The following MAP3K13 variants were observed in gnomAD, a reference collection of about 807,000 sequenced individuals.
The protein encoded by MAP3K13 is leucine zipper-bearing kinase.
MAP3K13 carries 52 observed loss-of-function variants against 104.0 expected under a neutral mutation model. The ratio of observed to expected loss-of-function variants is 0.50; its 90% CI spans 0.40 to 0.63. MAP3K13 has a LOEUF of 0.63. MAP3K13 is among the 20% of genes least tolerant of loss of function. The pLI, the probability that MAP3K13 is intolerant of heterozygous loss-of-function variation, is 0.00. For synonymous variants in MAP3K13, 394 were observed against 442.2 expected, an observed-to-expected ratio of 0.89 and a Z score of 1.37; for missense variants, 914 against 1,218.5, an observed-to-expected ratio of 0.75 and a Z score of 3.72.
At chr3:185,296,256 C>T (rs1720916837) in intron 2 of MAP3K13, among the ~76,000 whole-genome samples, 1 of 151,974 alleles carries the variant, frequency 6.6e-6, no homozygotes, top group Admixed American at 6.6e-5. Context: ...ACACACAAAC[C>T]AAAACCCTTC....
At chr3:185,465,511 C>T (rs1717359277) in intron 8 of MAP3K13, among the ~76,000 whole-genome samples, 1 of 152,058 alleles carries the variant, frequency 6.6e-6, no homozygotes, top group South Asian at 2.1e-4. Context: ...TATCTGTGGC[C>T]CTCTTGGCTA....
At chr3:185,413,819 C>A (rs1016723043) in intron 1 of MAP3K13, among the ~76,000 whole-genome samples, 1 of 138,324 alleles carries the variant, frequency 7.2e-6, no homozygotes, top group Admixed American at 7.4e-5. Flanking sequence ...GAGATTCCAC[C>A]TCAAAAAACA....
At chr3:185,389,353 G>GT (rs1468038184) in intron 1 of MAP3K13, among the ~76,000 whole-genome samples, 1 of 152,032 alleles carries the variant, frequency 6.6e-6, no homozygotes, top group Non-Finnish European at 1.5e-5. Flanking sequence ...AAGTCTCTAA[G>GT]TTTCTCCTAT....
upstream of MAP3K13, among the ~76,000 whole-genome samples, chr3:185,360,415 T>G (rs1156379411): frequency 1.3e-5 from 2 of 152,196 alleles, no homozygotes; most frequent in Non-Finnish European, 2.9e-5. Flanking sequence ...TTTTCATGCC[T>G]CTATATCCCT....
Position 185,442,537 on chromosome 3 carries a change from CT to C in MAP3K13, c.660-896del, listed in dbSNP as rs374944629. 3.6e-3 allele frequency among the ~76,000 whole-genome samples: 524 copies of C among 144,220 alleles called. 2 individuals carry two copies. Among genetic ancestry groups the C allele is most frequent in the African/African-American group, 0.011 (448 of 39,670 alleles). 94.6% of individuals were successfully genotyped at this position (144,220 alleles called of 152,430 possible). On this transcript the variant is annotated intron_variant, in intron 3 of 13. Coordinates refer to ENST00000265026, the MANE Select transcript of MAP3K13 (RefSeq NM_004721.5). ...AAATTTTAAATTATTCCTTTTTTTT[CT>C]TTTTTTTTTTTCTGAGACAGAGTCT...
chr3:185,440,571 A>G (rs893441188), intron 3 of MAP3K13, among the ~76,000 whole-genome samples: 1 of 152,198 alleles, frequency 6.6e-6, no homozygotes, highest in African/African-American at 2.4e-5. Flanking sequence ...AATCAAGATA[A>G]GAATTCTCTG....
At chr3:185,301,966 T>C (rs563995436) in intron 2 of MAP3K13, among the ~76,000 whole-genome samples, 9 of 152,248 alleles carry the variant, frequency 5.9e-5, no homozygotes, top group Admixed American at 3.3e-4. Flanking sequence ...TGAGATTTCA[T>C]ATGAATTAAA....
At chr3:185,399,035 GT>G (rs1712598554) in intron 1 of MAP3K13, among the ~76,000 whole-genome samples, 1 of 152,018 alleles carries the variant, frequency 6.6e-6, no homozygotes, top group Admixed American at 6.6e-5. Flanking sequence ...GATGCTAGTA[GT>G]TTTTTTTATG....
At chr3:185,386,846 A>G (rs752543653) in intron 1 of MAP3K13, among the ~76,000 whole-genome samples, 4 of 152,216 alleles carry the variant, frequency 2.6e-5, no homozygotes, top group Non-Finnish European at 4.4e-5. Flanking sequence ...TGGGAACTAA[A>G]TGATGAGAAC....
intron 1 of MAP3K13, among the ~76,000 whole-genome samples, chr3:185,413,597 G>A (rs1713571686): frequency 1.3e-5 from 2 of 152,180 alleles, no homozygotes; most frequent in South Asian, 4.1e-4. Context: ...CGAGGTGGGT[G>A]GATCAACTGA....
chr3:185,381,193 C>T (rs1724703579), intron 1 of MAP3K13, among the ~76,000 whole-genome samples: 1 of 152,092 alleles, frequency 6.6e-6, no homozygotes. Context: ...GAACTCCTGA[C>T]TCAAGTGATG....
At position 185,449,927 on chromosome 3, in the gene MAP3K13, G is replaced by A; in HGVS notation, c.1038G>A (p.Leu346=). 1 of 1,612,306 alleles carries A rather than the reference G, an allele frequency of 6.2e-7. No homozygotes were observed. Among genetic ancestry groups the A allele is most frequent in the Non-Finnish European group, 8.5e-7 (1 of 1,179,300 alleles). Residue 346 remains leucine (L), a synonymous_variant, in exon 6 of 14, where the codon CTG becomes CTA. Coordinates refer to ENST00000265026, the MANE Select transcript of MAP3K13 (RefSeq NM_004721.5). ...IWSFGVVLWE[L]LTGEIPYKDV... is the part of the protein sequence containing the mutation. ...CTTTTGGAGTGGTGCTTTGGGAGCT[G>A]CTGACAGGAGAGATCCCTTACAAAG... is the stretch of plus-strand genomic sequence containing the variant.
intron 3 of MAP3K13, among the ~76,000 whole-genome samples, chr3:185,442,238 G>A (rs1229870353): frequency 1.3e-5 from 2 of 150,470 alleles, no homozygotes; most frequent in Admixed American, 1.3e-4. Flanking sequence ...TGATTCATAA[G>A]CATGACTGGG....
At chr3:185,451,613 C>G (rs1437541341) in intron 7 of MAP3K13, 3 of 383,168 alleles carry the variant, frequency 7.8e-6, no homozygotes, top group Non-Finnish European at 1.4e-5. Flanking sequence ...ACGTGTTGGC[C>G]GGGTGCACTT....
intron 1 of MAP3K13, among the ~76,000 whole-genome samples, chr3:185,409,300 G>A (rs954161168): frequency 1.3e-5 from 2 of 152,246 alleles, no homozygotes; most frequent in African/African-American, 2.4e-5. Flanking sequence ...CCCAGGAGGC[G>A]GAGGTCACAG....
At position 185,450,933 on chromosome 3, in the gene MAP3K13, C is replaced by CA. The variant is rs1166163552; in HGVS notation, c.1170-347dup. Among the ~76,000 whole-genome samples the CA allele has an allele frequency of 2.0e-5, 3 of 151,994 alleles. No individual in the cohort carries two copies. The highest frequency in any genetic ancestry group is 1.3e-4 in the Admixed American group (2 of 15,260). ...TGAAACCCCGTCTCTACTAAAAATA[C>CA]AAAAAAATTAGCCAGGTCTGGTGGC... On this transcript the variant is annotated intron_variant, in intron 6 of 13. Transcript: ENST00000265026. The surrounding 1 kb of genome is among the most constrained non-coding windows in gnomAD (Gnocchi z 4.2).
chr3:185,463,033 A>G (rs1266163306), intron 7 of MAP3K13, among the ~76,000 whole-genome samples: 1 of 151,810 alleles, frequency 6.6e-6, no homozygotes, highest in Non-Finnish European at 1.5e-5. Context: ...ATAGCTTCTT[A>G]TATTTCTATT....
intron 2 of MAP3K13, among the ~76,000 whole-genome samples, chr3:185,287,661 A>G (rs1384349195): frequency 6.6e-6 from 1 of 152,192 alleles, no homozygotes; most frequent in Non-Finnish European, 1.5e-5. Context: ...TAGGCTTTAT[A>G]AGATACATAC....
intron 1 of MAP3K13, among the ~76,000 whole-genome samples, chr3:185,400,501 A>C (rs1264721345): frequency 1.3e-5 from 2 of 152,234 alleles, no homozygotes; most frequent in Non-Finnish European, 1.5e-5. Flanking sequence ...ATAGATGATT[A>C]ACATAGCATT....
Sources: allele counts gnomAD v4.1 joint callset (sites outside exome capture counted in the v4.1 genomes callset), GRCh38; gene constraint gnomAD v4.1.1; non-coding constraint Gnocchi (gnomAD v3.1); transcripts MANE v1.5; gene names NCBI Gene and HGNC (gene_info 2026-07-23, HGNC 2026-07-21).